The following RBMS3 variants were observed in gnomAD, a reference collection of about 807,000 sequenced individuals.
The protein encoded by RBMS3 is RNA-binding motif, single-stranded-interacting protein 3.
In RBMS3, 27 loss-of-function variants were observed where a neutral mutation model predicts 66.8. That is an observed-to-expected ratio of 0.40 (90% CI 0.30 to 0.56). The LOEUF is 0.56. RBMS3 is among the 20% of genes least tolerant of loss of function. The pLI, the probability that RBMS3 is intolerant of heterozygous loss-of-function variation, is 0.40. For synonymous variants in RBMS3, 188 were observed against 183.0 expected, an observed-to-expected ratio of 1.03 and a Z score of -0.22; for missense variants, 513 against 549.5, an observed-to-expected ratio of 0.93 and a Z score of 0.66.
intron 4 of RBMS3, among the ~76,000 whole-genome samples, chr3:29,715,005 T>C (rs2053331834): frequency 6.6e-6 from 1 of 150,586 alleles, no homozygotes; most frequent in African/African-American, 2.4e-5. Context: ...ATAGTTTTAA[T>C]TTCTTGGAAA....
intron 3 of RBMS3, among the ~76,000 whole-genome samples, chr3:29,532,237 C>CATATATATATCT (rs71688232): frequency 1.1e-5 from 1 of 92,138 alleles, no homozygotes; most frequent in Non-Finnish European, 2.0e-5. Context: ...TTTAATTTCG[C>CATATATATATCT]ATATATATGT....
At chr3:29,336,051 G>T (rs1053946283) in intron 1 of RBMS3, among the ~76,000 whole-genome samples, 3 of 152,124 alleles carry the variant, frequency 2.0e-5, no homozygotes, top group African/African-American at 7.2e-5. Context: ...CAGATCTTTT[G>T]CATCCCATAA....
chr3:29,600,869 C>T (rs951846782), intron 4 of RBMS3, among the ~76,000 whole-genome samples: 13 of 151,872 alleles, frequency 8.6e-5, no homozygotes, highest in Admixed American at 2.6e-4. Context: ...CTGTGTTTTC[C>T]ACCTCTCTAG....
rs1577350552 is a variant in RBMS3, at chr3:29,996,294, C to G, written c.1307+5085C>G. Among the ~76,000 whole-genome samples, 38 of 151,666 alleles carry G rather than the reference C, an allele frequency of 2.5e-4. No homozygotes were observed. The South Asian group carries it at 7.5e-3, about 30-fold the overall frequency. On this transcript the variant is annotated intron_variant, in intron 14 of 14. Transcript: ENST00000383767. ...AAGTCCTTAGTGACCTACAAAGAGA[C>G]TTAGACTCCCACACATTAATAATGG...
chr3:29,998,921 G>A (rs1279289433), intron 14 of RBMS3, among the ~76,000 whole-genome samples: 2 of 151,996 alleles, frequency 1.3e-5, no homozygotes, highest in African/African-American at 4.8e-5. Context: ...TTGACAAATG[G>A]GATCTAATTA....
intron 4 of RBMS3, among the ~76,000 whole-genome samples, chr3:29,600,942 G>A (rs1017992610): frequency 6.6e-6 from 1 of 151,996 alleles, no homozygotes; most frequent in Non-Finnish European, 1.5e-5. Flanking sequence ...GATAATAAAT[G>A]TGATCTATAA....
chr3:29,996,658 CT>C (rs1413314830), intron 14 of RBMS3, among the ~76,000 whole-genome samples: 1 of 151,788 alleles, frequency 6.6e-6, no homozygotes, highest in Non-Finnish European at 1.5e-5. Context: ...CAACCTGCTC[CT>C]GAATGACTAC....
At chr3:29,517,592 G>C (rs1475072737) in intron 3 of RBMS3, among the ~76,000 whole-genome samples, 2 of 151,700 alleles carry the variant, frequency 1.3e-5, no homozygotes, top group African/African-American at 4.9e-5. Flanking sequence ...CGAAGTGCTG[G>C]GATTACAGGC....
At chr3:29,805,917 C>G (rs551520685) in intron 6 of RBMS3, among the ~76,000 whole-genome samples, 1 of 152,116 alleles carries the variant, frequency 6.6e-6, no homozygotes, top group South Asian at 2.1e-4. Context: ...ACCACGCACT[C>G]ACTGACTAAC....
At chr3:29,740,858 A>G (rs1559624550) in intron 5 of RBMS3, among the ~76,000 whole-genome samples, 1 of 151,948 alleles carries the variant, frequency 6.6e-6, no homozygotes. Flanking sequence ...TGGCCAACAT[A>G]GTGAAAACCC....
chr3:29,476,472 G>A (rs376250783), intron 2 of RBMS3, among the ~76,000 whole-genome samples: 1 of 152,106 alleles, frequency 6.6e-6, no homozygotes, highest in South Asian at 2.1e-4. Flanking sequence ...CTACACCATC[G>A]ATTTATGCGA....
At chr3:29,813,331 A>G (rs879939978) in intron 6 of RBMS3, among the ~76,000 whole-genome samples, 14 of 152,126 alleles carry the variant, frequency 9.2e-5, no homozygotes, top group Admixed American at 3.3e-4. Flanking sequence ...GATTCTTGGC[A>G]AAATAGCTCC....
intron 4 of RBMS3, among the ~76,000 whole-genome samples, chr3:29,610,837 A>T (rs561778279): frequency 6.6e-6 from 1 of 152,148 alleles, no homozygotes; most frequent in Non-Finnish European, 1.5e-5. Flanking sequence ...GTATAATTTT[A>T]CACATATATT....
intron 12 of RBMS3, among the ~76,000 whole-genome samples, chr3:29,984,459 C>T (rs1000148670): frequency 2.0e-5 from 3 of 151,748 alleles, no homozygotes; most frequent in Non-Finnish European, 2.9e-5. Context: ...CTCTCACTGG[C>T]GAGAAGTTGT....
chr3:29,386,437 C>G (rs1031020183), intron 1 of RBMS3, among the ~76,000 whole-genome samples: 2 of 152,062 alleles, frequency 1.3e-5, no homozygotes, highest in African/African-American at 4.8e-5. Flanking sequence ...TAACACCTCC[C>G]AACCCTTCCA....
chr3:30,000,864 G>A lies in RBMS3; in HGVS notation c.1308-2992G>A, dbSNP rs146797132. On this transcript the variant is annotated intron_variant, in intron 14 of 14. Coordinates refer to ENST00000383767, the MANE Select transcript of RBMS3 (RefSeq NM_001003793.3). Reference sequence around the variant, plus strand: ...GAGAACATGGACATCGGGGGTGGGCGCATCACATACTGGGGCCTGTCAGGG... The same window carrying A: ...GAGAACATGGACATCGGGGGTGGGCACATCACATACTGGGGCCTGTCAGGG... Among the ~76,000 whole-genome samples, 1,415 of 151,860 alleles carry A rather than the reference G, an allele frequency of 9.3e-3. 70 individuals carry two copies. Among genetic ancestry groups the A allele is most frequent in the Admixed American group, 0.076 (1,154 of 15,232 alleles).
chr3:29,514,961 C>T lies in RBMS3; in HGVS notation c.307+26462C>T, dbSNP rs139556540. Among the ~76,000 whole-genome samples the T allele has an allele frequency of 2.3e-3, 347 of 152,000 alleles. 1 individual carries two copies. The highest frequency in any genetic ancestry group is 7.6e-3 in the African/African-American group (314 of 41,460). On this transcript the variant is annotated intron_variant, in intron 3 of 14. Transcript: ENST00000383767. ...CCTTCGAGGTAGATGTCAACGTTAC[C>T]AGCATTTCACAGATGAGGGTAATGA... is the stretch of plus-strand genomic sequence containing the variant.
chr3:29,921,460 A>T (rs2060776882), intron 10 of RBMS3, among the ~76,000 whole-genome samples: 2 of 139,438 alleles, frequency 1.4e-5, no homozygotes, highest in East Asian at 4.7e-4. Flanking sequence ...TTGCCATACA[A>T]ATTCTAAAAG....
intron 1 of RBMS3, among the ~76,000 whole-genome samples, chr3:29,375,645 A>C (rs987787609): frequency 2.6e-4 from 39 of 152,378 alleles, no homozygotes; most frequent in Admixed American, 1.8e-3. Context: ...AATCAAAAGC[A>C]GTGTGATACC....
Sources: allele counts gnomAD v4.1 joint callset (sites outside exome capture counted in the v4.1 genomes callset), GRCh38; gene constraint gnomAD v4.1.1; transcripts MANE v1.5; gene names NCBI Gene and HGNC (gene_info 2026-07-23, HGNC 2026-07-21).